The following TJP1 variants were observed in gnomAD, a reference collection of about 807,000 sequenced individuals.
TJP1 encodes the protein tight junction protein 1.
TJP1 carries 43 observed loss-of-function variants against 194.2 expected under a neutral mutation model. The observed-to-expected ratio is 0.22, with a 90% CI of 0.17 to 0.29. The LOEUF (loss-of-function observed/expected upper bound fraction) is 0.29. Among genes scored for constraint, TJP1 ranks in the 10% least tolerant of loss-of-function variants. TJP1 has a pLI of 1.00. For missense variants in TJP1, 1,971 were observed against 2,185.7 expected (o/e 0.90, Z 1.96); for synonymous variants, 801 against 779.0 (o/e 1.03, Z -0.47).
Position 29,822,074 on chromosome 15 carries a change from C to A in TJP1, c.-46G>T. 7.9e-7 allele frequency: 1 copy of A among 1,258,968 alleles called. No individual in the cohort carries two copies. Among genetic ancestry groups the A allele is most frequent in the South Asian group, 3.1e-5 (1 of 32,262 alleles). The allele number at this position is 1,258,968 out of a possible 1,614,324, so 78.0% of individuals were successfully genotyped here. Reference sequence around the variant, plus strand: ...CGCGAGGCTCCTCGGACCCGAAACTCCGCGGCGCTGGCCCGCCCGCTCCTC... The same window carrying A: ...CGCGAGGCTCCTCGGACCCGAAACTACGCGGCGCTGGCCCGCCCGCTCCTC... On this transcript the variant is annotated 5_prime_UTR_variant, in exon 1 of 28. Coordinates refer to ENST00000614355, the MANE Select transcript of TJP1 (RefSeq NM_001330239.4).
intron 2 of TJP1, among the ~76,000 whole-genome samples, chr15:29,932,051 C>A (rs1351398260): frequency 6.6e-6 from 1 of 152,182 alleles, no homozygotes; most frequent in Non-Finnish European, 1.5e-5. Context: ...GGCTTCTTTA[C>A]TGCAACCTGT....
intron 2 of TJP1, among the ~76,000 whole-genome samples, chr15:29,842,212 T>C (rs576820809): frequency 1.1e-4 from 17 of 152,292 alleles, no homozygotes; most frequent in African/African-American, 4.1e-4. Flanking sequence ...TCCTGGAGCG[T>C]ATTTCTGGCC....
intron 2 of TJP1, among the ~76,000 whole-genome samples, chr15:29,852,947 T>C (rs2051701839): frequency 6.6e-6 from 1 of 151,822 alleles, no homozygotes; most frequent in African/African-American, 2.4e-5. Flanking sequence ...CAAAAACCTG[T>C]ACACAAATAT....
At chr15:29,806,425 A>G (rs1290383148) in intron 1 of TJP1, among the ~76,000 whole-genome samples, 6 of 152,226 alleles carry the variant, frequency 3.9e-5, no homozygotes, top group Admixed American at 3.3e-4. Flanking sequence ...ATAAAATAAT[A>G]AAATTTCCAC....
intron 2 of TJP1, among the ~76,000 whole-genome samples, chr15:29,877,902 C>T (rs1026032315): frequency 6.6e-6 from 1 of 151,892 alleles, no homozygotes; most frequent in Non-Finnish European, 1.5e-5. Flanking sequence ...CTCCTGAACT[C>T]GTGATCCGCT....
intron 2 of TJP1, among the ~76,000 whole-genome samples, chr15:29,913,130 C>T (rs1177745649): frequency 6.6e-6 from 1 of 151,892 alleles, no homozygotes; most frequent in Non-Finnish European, 1.5e-5. Context: ...TACAAACTCA[C>T]AGCAGGTGTG....
At chr15:29,785,617 C>T (rs1009753556) in intron 2 of TJP1, among the ~76,000 whole-genome samples, 4 of 152,180 alleles carry the variant, frequency 2.6e-5, no homozygotes, top group African/African-American at 9.7e-5. Context: ...CCACTTGTTG[C>T]CTTTTATTTT....
chr15:29,881,720 T>G (rs186519869), intron 2 of TJP1, among the ~76,000 whole-genome samples: 1 of 152,280 alleles, frequency 6.6e-6, no homozygotes, highest in Admixed American at 6.5e-5. Flanking sequence ...CTGGAAGCTT[T>G]GTGGATACTT....
chr15:29,740,412 G>A (rs1595711200), intron 10 of TJP1, among the ~76,000 whole-genome samples: 1 of 152,024 alleles, frequency 6.6e-6, no homozygotes, highest in African/African-American at 2.4e-5. Flanking sequence ...GACTGCTTGA[G>A]CCCAGGACTT....
At chr15:29,953,975 C>T (rs962228403) in intron 2 of TJP1, among the ~76,000 whole-genome samples, 2 of 152,202 alleles carry the variant, frequency 1.3e-5, no homozygotes, top group African/African-American at 2.4e-5. Context: ...TTCTGTGAAC[C>T]TCAACTTTTC....
intron 2 of TJP1, among the ~76,000 whole-genome samples, chr15:29,944,050 G>C (rs986844453): frequency 1.3e-5 from 2 of 151,960 alleles, no homozygotes; most frequent in South Asian, 4.2e-4. Context: ...AAAATCGTTA[G>C]AAAACAGGTA....
chr15:29,916,106 G>A (rs1238952094), intron 2 of TJP1, among the ~76,000 whole-genome samples: 2 of 151,900 alleles, frequency 1.3e-5, no homozygotes, highest in East Asian at 1.9e-4. Context: ...TTAGCCGGGC[G>A]TGGTGGCAGG....
At chr15:29,872,338 G>A (rs1265232797) in intron 2 of TJP1, among the ~76,000 whole-genome samples, 1 of 152,150 alleles carries the variant, frequency 6.6e-6, no homozygotes, top group East Asian at 1.9e-4. Flanking sequence ...ATGATGAAGA[G>A]CCTTGAACTC....
chr15:29,943,858 G>GAATT (rs1217935036), intron 2 of TJP1, among the ~76,000 whole-genome samples: 2 of 150,536 alleles, frequency 1.3e-5, no homozygotes, highest in Non-Finnish European at 3.0e-5. Context: ...TGAGGGAGGA[G>GAATT]AATTGCTTGA....
At chr15:29,721,201 G>T (rs906337827) in intron 18 of TJP1, among the ~76,000 whole-genome samples, 2 of 152,184 alleles carry the variant, frequency 1.3e-5, no homozygotes, top group African/African-American at 2.4e-5. Context: ...ATATGGTTTG[G>T]ATTTGTGTTC....
intron 8 of TJP1, among the ~76,000 whole-genome samples, chr15:29,745,820 C>G (rs891680101): frequency 1.4e-4 from 21 of 152,098 alleles, no homozygotes; most frequent in Non-Finnish European, 2.8e-4. Context: ...TTGTATTGTT[C>G]AACTGAAATA....
rs78048638 is a variant in TJP1, at chr15:29,745,592, T to C, written c.1011-2811A>G. ...GAAAAGATATTATAAAGACTTACATTTGAAACACAGCTATATCAGTAATCT... is the reference window on the plus strand; with the variant it reads ...GAAAAGATATTATAAAGACTTACATCTGAAACACAGCTATATCAGTAATCT... On this transcript the variant is annotated intron_variant, in intron 8 of 27. Transcript: ENST00000614355. Among the ~76,000 whole-genome samples, 931 of 152,278 alleles carry C rather than the reference T, an allele frequency of 6.1e-3. 9 individuals carry two copies. The highest frequency in any genetic ancestry group is 0.021 in the African/African-American group (881 of 41,568).
chr15:29,898,963 C>T (rs942032304), intron 2 of TJP1, among the ~76,000 whole-genome samples: 2 of 152,006 alleles, frequency 1.3e-5, no homozygotes, highest in African/African-American at 4.8e-5. Context: ...ATTTTGATTC[C>T]GTTTCAGCTA....
At position 29,701,703 on chromosome 15, in the gene TJP1, G is replaced by T. The variant is rs1053355400; in HGVS notation, c.5213-14C>A. The T allele has an allele frequency of 1.3e-6, 2 of 1,598,530 alleles. No homozygotes were observed. Among genetic ancestry groups the T allele is most frequent in the Admixed American group, 3.3e-5 (2 of 59,972 alleles). ...TTTTAGGATCACCTATGAGAGAAAA[G>T]AAGTTGATGTCATTTACAGTTCAGT... On this transcript the variant is annotated splice_polypyrimidine_tract_variant and intron_variant, in intron 27 of 27. Coordinates refer to ENST00000614355, the MANE Select transcript of TJP1 (RefSeq NM_001330239.4).
Sources: allele counts gnomAD v4.1 joint callset (sites outside exome capture counted in the v4.1 genomes callset), GRCh38; gene constraint gnomAD v4.1.1; transcripts MANE v1.5; gene names NCBI Gene and HGNC (gene_info 2026-07-23, HGNC 2026-07-21).